The following CCDC178 variants were observed in gnomAD, a reference collection of about 807,000 sequenced individuals.
CCDC178 encodes the protein coiled-coil domain-containing protein 178.
Under a neutral mutation model 117.4 loss-of-function variants are expected in CCDC178, and 126 were observed. The observed-to-expected ratio is 1.07, with a 90% CI of 0.93 to 1.24. The LOEUF is 1.24. CCDC178 is among the 50% of genes most tolerant of loss of function. CCDC178 has a pLI of 0.00. For synonymous variants in CCDC178, 283 were observed against 313.4 expected, an observed-to-expected ratio of 0.90 and a Z score of 1.02; for missense variants, 1,030 against 986.9, an observed-to-expected ratio of 1.04 and a Z score of -0.59.
At chr18:33,053,839 G>A (rs2056784657) in intron 21 of CCDC178, among the ~76,000 whole-genome samples, 1 of 152,084 alleles carries the variant, frequency 6.6e-6, no homozygotes, top group Non-Finnish European at 1.5e-5. Flanking sequence ...AACACTTTAT[G>A]ACAACTTTTT....
At chr18:33,186,620 T>A (rs1328326732) in intron 20 of CCDC178, among the ~76,000 whole-genome samples, 1 of 151,990 alleles carries the variant, frequency 6.6e-6, no homozygotes, top group Non-Finnish European at 1.5e-5. Context: ...CCTTGTTTAG[T>A]TTTATGTTGG....
intron 3 of CCDC178, among the ~76,000 whole-genome samples, chr18:33,408,507 T>C (rs1002395912): frequency 1.1e-4 from 17 of 151,896 alleles, no homozygotes; most frequent in African/African-American, 4.1e-4. Context: ...TGTATATGTA[T>C]TACATTAATA....
chr18:33,237,255 C>G (rs1047623922), intron 15 of CCDC178, among the ~76,000 whole-genome samples: 1 of 152,162 alleles, frequency 6.6e-6, no homozygotes, highest in Non-Finnish European at 1.5e-5. Context: ...GACTCTGGTC[C>G]TGCACATCAT....
chr18:33,245,087 T>A (rs907472280), intron 15 of CCDC178, among the ~76,000 whole-genome samples, 158 bp downstream of exon 15: 3 of 151,966 alleles, frequency 2.0e-5, no homozygotes, highest in African/African-American at 7.2e-5. Flanking sequence ...AGCTGAGCCT[T>A]TGGAGAGAGG....
At chr18:32,983,249 C>G (rs914384984) in intron 21 of CCDC178, 5 of 1,226,890 alleles carry the variant, frequency 4.1e-6, no homozygotes, top group Non-Finnish European at 4.6e-6. Context: ...GAAAGATGCA[C>G]GTGTATGCAT....
chr18:32,983,357 G>C (rs1216932642), intron 21 of CCDC178: 7 of 1,501,922 alleles, frequency 4.7e-6, no homozygotes, highest in East Asian at 4.9e-5. Flanking sequence ...TGCAACCTAA[G>C]AATAGAAATA....
At chr18:33,333,485 C>T in intron 9 of CCDC178, 91 bp from the exon 10 acceptor site, 2 of 487,956 alleles carry the variant, frequency 4.1e-6, no homozygotes, top group Non-Finnish European at 6.7e-6. Flanking sequence ...TTCAGAAATT[C>T]CTTATTTGTG....
chr18:33,311,837 C>A (rs1450805356), intron 11 of CCDC178, among the ~76,000 whole-genome samples: 1 of 152,172 alleles, frequency 6.6e-6, no homozygotes, highest in Non-Finnish European at 1.5e-5. Context: ...GACATAGGAA[C>A]CACCTACAAG....
chr18:33,342,367 A>G (rs2062827910), intron 9 of CCDC178, among the ~76,000 whole-genome samples: 1 of 152,232 alleles, frequency 6.6e-6, no homozygotes, highest in Admixed American at 6.5e-5. Flanking sequence ...GATATATATA[A>G]TAAGCAAGAT....
intron 4 of CCDC178, among the ~76,000 whole-genome samples, chr18:33,394,480 T>C (rs916252082): frequency 3.3e-5 from 5 of 151,988 alleles, no homozygotes; most frequent in East Asian, 1.9e-4. Flanking sequence ...GTTTACAATA[T>C]ATAATTCCAA....
At chr18:32,943,948 A>C (rs2054293185) in intron 22 of CCDC178, among the ~76,000 whole-genome samples, 1 of 152,226 alleles carries the variant, frequency 6.6e-6, no homozygotes, top group African/African-American at 2.4e-5. Context: ...TGGACATTGT[A>C]AGTCACCTTT....
At chr18:33,307,572 C>A (rs917076931) in intron 11 of CCDC178, among the ~76,000 whole-genome samples, 1 of 152,206 alleles carries the variant, frequency 6.6e-6, no homozygotes, top group African/African-American at 2.4e-5. Flanking sequence ...GAAATGCAAG[C>A]TGGCTGCATA....
chr18:33,374,338 C>T (rs2063337694), intron 5 of CCDC178, among the ~76,000 whole-genome samples: 1 of 152,076 alleles, frequency 6.6e-6, no homozygotes, highest in African/African-American at 2.4e-5. Flanking sequence ...GGACTCTTCA[C>T]AAAAGACAAT....
chr18:33,246,474 G>A (rs2059549907), intron 14 of CCDC178, among the ~76,000 whole-genome samples: 1 of 151,696 alleles, frequency 6.6e-6, no homozygotes, highest in Admixed American at 6.6e-5. Flanking sequence ...GAATTAGTGT[G>A]GCCAAATCAG....
At chr18:33,098,859 A>C (rs1400565006) in intron 20 of CCDC178, among the ~76,000 whole-genome samples, 1 of 152,072 alleles carries the variant, frequency 6.6e-6, no homozygotes, top group Non-Finnish European at 1.5e-5. Flanking sequence ...CTGTTCGCCA[A>C]GGATTACAAG....
chr18:33,254,120 G>T (rs779699166), intron 14 of CCDC178, among the ~76,000 whole-genome samples: 3 of 151,838 alleles, frequency 2.0e-5, no homozygotes, highest in African/African-American at 7.3e-5. Context: ...GACACAAGTG[G>T]ATGTGACATC....
At position 33,224,948 on chromosome 18, in the gene CCDC178, G is replaced by A. The variant is rs1321938482; in HGVS notation, c.1657-12C>T. 1.3e-6 allele frequency: 2 copies of A among 1,481,830 alleles called. No homozygotes were observed. Among genetic ancestry groups the A allele is most frequent in the Admixed American group, 2.4e-5 (1 of 41,162 alleles). 91.8% of individuals were successfully genotyped at this position (1,481,830 alleles called of 1,614,324 possible). On this transcript the variant is annotated splice_polypyrimidine_tract_variant and intron_variant, in intron 16 of 22. Coordinates refer to ENST00000383096, the MANE Select transcript of CCDC178 (RefSeq NM_001105528.4). ...GAATATAGTTTTTTCTGCCAGCAAA[G>A]ATTTTAAATAAATCATTCAGTTATT...
chr18:33,378,056 A>C (rs2063388187), intron 5 of CCDC178, among the ~76,000 whole-genome samples: 1 of 152,216 alleles, frequency 6.6e-6, no homozygotes, highest in East Asian at 1.9e-4. Context: ...TTTAATCGGC[A>C]TTGATTCTTT....
chr18:33,363,124 T>A (rs773234081), intron 6 of CCDC178, among the ~76,000 whole-genome samples: 3 of 151,614 alleles, frequency 2.0e-5, no homozygotes, highest in African/African-American at 4.8e-5. Context: ...AAATTTTATT[T>A]AAAAAAAACA....
Sources: allele counts gnomAD v4.1 joint callset (sites outside exome capture counted in the v4.1 genomes callset), GRCh38; gene constraint gnomAD v4.1.1; transcripts MANE v1.5; gene names NCBI Gene and HGNC (gene_info 2026-07-23, HGNC 2026-07-21).